The following DCC variants were observed in gnomAD, a reference collection of about 807,000 sequenced individuals.
DCC encodes the protein netrin receptor DCC.
In DCC, 58 loss-of-function variants were observed where a neutral mutation model predicts 172.5. The observed-to-expected ratio is 0.34, with a 90% CI of 0.27 to 0.42. The LOEUF (loss-of-function observed/expected upper bound fraction) is 0.42, where lower values mean the gene tolerates loss of function less well. DCC is among the 10% of genes least tolerant of loss of function. The probability of loss-of-function intolerance (pLI) is 1.00; values close to 1 mark genes in which losing one functional copy is unlikely to be tolerated. For missense variants in DCC, 1,740 were observed against 1,791.0 expected (o/e 0.97, Z 0.51); for synonymous variants, 709 against 644.5 (o/e 1.10, Z -1.52).
Position 53,322,025 on chromosome 18 carries a change from CCT to C in DCC, c.2054-21_2054-20del. ...TTGGTGCATAGTAACTTTCTTCCCC[CCT>C]GTGGAAAATTCTTTCATAGGACTGG... is the stretch of plus-strand genomic sequence containing the variant. On this transcript the variant is annotated intron_variant, in intron 13 of 28. Transcript: ENST00000442544. 4 of 1,357,360 alleles carry C rather than the reference CCT, an allele frequency of 2.9e-6. No individual in the cohort carries two copies. In the South Asian group the frequency reaches 3.5e-5, roughly 12 times the overall value. The allele number at this position is 1,357,360 out of a possible 1,614,324, so 84.1% of individuals were successfully genotyped here.
intron 1 of DCC, among the ~76,000 whole-genome samples, chr18:52,553,022 A>G (rs2144726279): frequency 6.6e-6 from 1 of 152,168 alleles, no homozygotes; most frequent in South Asian, 2.1e-4. Context: ...TCAAAGGGAA[A>G]TGTCTTTTTT....
intron 1 of DCC, among the ~76,000 whole-genome samples, chr18:52,467,218 C>T (rs923391370): frequency 1.1e-4 from 16 of 151,900 alleles, no homozygotes; most frequent in Non-Finnish European, 1.8e-4. Flanking sequence ...CCCGACAGGC[C>T]CTGGTGTGTG....
At chr18:52,517,070 G>A (rs1327860307) in intron 1 of DCC, among the ~76,000 whole-genome samples, 1 of 152,106 alleles carries the variant, frequency 6.6e-6, no homozygotes, top group Non-Finnish European at 1.5e-5. Flanking sequence ...GCTTCCCTTG[G>A]CATCTTAGGA....
intron 2 of DCC, among the ~76,000 whole-genome samples, chr18:52,895,573 G>A (rs1021257024): frequency 2.6e-5 from 4 of 151,860 alleles, no homozygotes; most frequent in South Asian, 2.1e-4. Context: ...TATAATTTTC[G>A]CTCATTTAAA....
intron 5 of DCC, among the ~76,000 whole-genome samples, chr18:53,026,142 A>T (rs1320681045): frequency 2.0e-5 from 3 of 151,970 alleles, no homozygotes; most frequent in Non-Finnish European, 4.4e-5. Flanking sequence ...GTCTATGGAG[A>T]ATTTTTATTA....
chr18:53,350,059 C>G (rs532859891), intron 15 of DCC, among the ~76,000 whole-genome samples: 1 of 152,054 alleles, frequency 6.6e-6, no homozygotes, highest in Non-Finnish European at 1.5e-5. Context: ...AATACATTTA[C>G]AATTCATGAG....
chr18:53,472,121 TATA>T (rs2045704542), intron 25 of DCC, among the ~76,000 whole-genome samples: 1 of 152,176 alleles, frequency 6.6e-6, no homozygotes, highest in Admixed American at 6.5e-5. Flanking sequence ...TCAATTTTAC[TATA>T]ATAAGTGCAA....
At position 52,502,268 on chromosome 18, in the gene DCC, A is replaced by C. The variant is rs117033142; in HGVS notation, c.91+161390A>C. ...GGAATAATGCAGTAAATAAAGAAAA[A>C]AATGTTCAATCCACCTCTGCAGGGA... On this transcript the variant is annotated intron_variant, in intron 1 of 28. Transcript: ENST00000442544. Among the ~76,000 whole-genome samples the C allele has an allele frequency of 4.0e-3, 613 of 152,316 alleles. 1 individual carries two copies. The highest frequency in any genetic ancestry group is 6.1e-3 in the Non-Finnish European group (416 of 68,026).
intron 9 of DCC, among the ~76,000 whole-genome samples, chr18:53,180,440 T>C (rs890703351): frequency 6.6e-6 from 1 of 152,178 alleles, no homozygotes; most frequent in African/African-American, 2.4e-5. Context: ...AAATAATTTC[T>C]GTTTGCAAAA....
chr18:52,662,646 A>T (rs1376326231), intron 1 of DCC, among the ~76,000 whole-genome samples: 3 of 151,600 alleles, frequency 2.0e-5, no homozygotes, highest in African/African-American at 4.8e-5. Flanking sequence ...GAAAAGAAGA[A>T]AACAAGGGAT....
chr18:53,221,493 G>A (rs1049047894), intron 12 of DCC, among the ~76,000 whole-genome samples: 1 of 152,122 alleles, frequency 6.6e-6, no homozygotes, highest in East Asian at 1.9e-4. Flanking sequence ...TTACCCAACT[G>A]TGAGCTCCAT....
intron 25 of DCC, among the ~76,000 whole-genome samples, chr18:53,475,335 C>T (rs997230908): frequency 4.6e-5 from 7 of 152,172 alleles, no homozygotes; most frequent in Non-Finnish European, 1.0e-4. Flanking sequence ...GGAAATGTTT[C>T]CAGGGCATGT....
intron 1 of DCC, among the ~76,000 whole-genome samples, chr18:52,555,752 G>T (rs1006404612): frequency 1.3e-5 from 2 of 152,066 alleles, no homozygotes; most frequent in East Asian, 1.9e-4. Context: ...TCAAACAAAA[G>T]GATAGCATCT....
chr18:52,893,907 TA>T (rs5824973), intron 2 of DCC, among the ~76,000 whole-genome samples: 15 of 151,636 alleles, frequency 9.9e-5, no homozygotes, highest in Non-Finnish European at 1.6e-4. Context: ...TAATACAATT[TA>T]AAAAAAACAG....
chr18:52,965,766 A>G (rs1350957590), intron 5 of DCC, among the ~76,000 whole-genome samples: 1 of 152,150 alleles, frequency 6.6e-6, no homozygotes, highest in Non-Finnish European at 1.5e-5. Flanking sequence ...TTTGTGGTCT[A>G]AGATCATACT....
At chr18:53,084,951 A>G (rs1007328628) in intron 7 of DCC, among the ~76,000 whole-genome samples, 2 of 152,188 alleles carry the variant, frequency 1.3e-5, no homozygotes, top group Non-Finnish European at 2.9e-5. Flanking sequence ...TAGGACTATC[A>G]TTGCCAAGGG....
At chr18:53,163,947 A>G (rs1308184266) in intron 8 of DCC, among the ~76,000 whole-genome samples, 2 of 152,194 alleles carry the variant, frequency 1.3e-5, no homozygotes, top group Non-Finnish European at 1.5e-5. Context: ...AGCATCTTAC[A>G]TAAAGTATGT....
At chr18:53,167,118 G>A (rs1376085039) in intron 8 of DCC, among the ~76,000 whole-genome samples, 1 of 152,128 alleles carries the variant, frequency 6.6e-6, no homozygotes, top group African/African-American at 2.4e-5. Context: ...CCTCCCTGAA[G>A]CAACTAATTA....
At chr18:52,973,412 G>A (rs941648130) in intron 5 of DCC, among the ~76,000 whole-genome samples, 1 of 151,900 alleles carries the variant, frequency 6.6e-6, no homozygotes, top group Admixed American at 6.6e-5. Flanking sequence ...TTCAAATTGC[G>A]GCATGTACAA....
Sources: allele counts gnomAD v4.1 joint callset (sites outside exome capture counted in the v4.1 genomes callset), GRCh38; gene constraint gnomAD v4.1.1; transcripts MANE v1.5; gene names NCBI Gene and HGNC (gene_info 2026-07-23, HGNC 2026-07-21).